The following TTC39B variants were observed in gnomAD, a reference collection of about 807,000 sequenced individuals.
TTC39B encodes the protein tetratricopeptide repeat domain 39B.
In TTC39B, 92 loss-of-function variants were observed where a neutral mutation model predicts 96.6. The ratio of observed to expected loss-of-function variants is 0.95; its 90% CI spans 0.80 to 1.13. The LOEUF (loss-of-function observed/expected upper bound fraction) is 1.13, where lower values mean the gene tolerates loss of function less well. Ranked by LOEUF, TTC39B falls within the 50% of genes most tolerant of loss-of-function variation. The pLI is 0.00. For missense variants in TTC39B, 955 were observed against 809.3 expected (o/e 1.18, Z -2.18); for synonymous variants, 367 against 299.4 (o/e 1.23, Z -2.33).
intron 2 of TTC39B, among the ~76,000 whole-genome samples, chr9:15,253,171 ACCTT>A (rs1822626413): frequency 1.3e-5 from 2 of 152,202 alleles, no homozygotes; most frequent in Admixed American, 6.5e-5. Context: ...TATGAATGGT[ACCTT>A]ATATGACAAA....
chr9:15,252,648 C>CA lies in TTC39B; in HGVS notation c.275+15265dup, dbSNP rs560742353. ...GGGCAACAAGAGTGAAACTCCATCT[C>CA]AAAAAAAAAAAGGATATTAGGTGAA... On this transcript the variant is annotated intron_variant, in intron 2 of 19. Coordinates refer to ENST00000512701, the Ensembl canonical transcript of TTC39B. Among the ~76,000 whole-genome samples the CA allele has an allele frequency of 5.6e-3, 763 of 136,752 alleles. 10 individuals carry two copies. Among genetic ancestry groups the CA allele is most frequent in the African/African-American group, 0.019 (704 of 37,188 alleles). The allele number at this position is 136,752 out of a possible 152,430, so 89.7% of individuals were successfully genotyped here. A position where few individuals can be genotyped will look rare whatever the true frequency, so the allele number is the denominator to read the frequency against.
intron 1 of TTC39B, among the ~76,000 whole-genome samples, chr9:15,275,982 A>T (rs1458337809): frequency 6.6e-6 from 1 of 152,236 alleles, no homozygotes; most frequent in African/African-American, 2.4e-5. Context: ...TGTAAGAAAC[A>T]AATGCTGATA....
chr9:15,179,183 T>A (rs868320247), intron 17 of TTC39B, among the ~76,000 whole-genome samples: 1 of 152,192 alleles, frequency 6.6e-6, no homozygotes. Context: ...ATTTACACTT[T>A]TGAAATTTTT....
intron 2 of TTC39B, among the ~76,000 whole-genome samples, chr9:15,226,428 T>C (rs955049070): frequency 1.3e-5 from 2 of 152,204 alleles, no homozygotes; most frequent in East Asian, 3.8e-4. Flanking sequence ...TCTTTTCTTC[T>C]CAATAAATCC....
chr9:15,304,261 T>C (rs1353834182), intron 1 of TTC39B, among the ~76,000 whole-genome samples: 1 of 152,234 alleles, frequency 6.6e-6, no homozygotes, highest in Non-Finnish European at 1.5e-5. Flanking sequence ...CTTGAATATA[T>C]TCTGTACATC....
chr9:15,279,154 T>C (rs1823656990), intron 1 of TTC39B, among the ~76,000 whole-genome samples: 1 of 152,248 alleles, frequency 6.6e-6, no homozygotes, highest in Admixed American at 6.5e-5. Context: ...TCTACTGTTA[T>C]TAAAGTGCTT....
At chr9:15,247,328 T>G (rs1822324019) in intron 2 of TTC39B, among the ~76,000 whole-genome samples, 1 of 152,210 alleles carries the variant, frequency 6.6e-6, no homozygotes, top group Non-Finnish European at 1.5e-5. Flanking sequence ...AAGGAAGACT[T>G]CATTCTAAGG....
At chr9:15,222,753 G>T (rs139146665) in intron 3 of TTC39B, among the ~76,000 whole-genome samples, 1 of 152,094 alleles carries the variant, frequency 6.6e-6, no homozygotes, top group Non-Finnish European at 1.5e-5. Flanking sequence ...TTTTCTCTCC[G>T]TTCCTTTAAT....
chr9:15,234,478 G>A (rs79578754), intron 2 of TTC39B, among the ~76,000 whole-genome samples: 31,316 of 112,286 alleles, frequency 0.28, 2,705 homozygotes, highest in East Asian at 0.64. Flanking sequence ...GGCCGCCCCT[G>A]CTGGGAAGTG....
At chr9:15,288,465 G>C (rs1472730720) in intron 1 of TTC39B, among the ~76,000 whole-genome samples, 2 of 152,186 alleles carry the variant, frequency 1.3e-5, no homozygotes, top group Non-Finnish European at 2.9e-5. Flanking sequence ...GAGGAGTTCA[G>C]CTGGGGATGG....
intron 2 of TTC39B, among the ~76,000 whole-genome samples, chr9:15,259,598 C>T (rs190196738): frequency 7.8e-4 from 119 of 152,246 alleles, no homozygotes; most frequent in African/African-American, 2.7e-3. Flanking sequence ...GTGATATATT[C>T]ATATAAATGA....
At chr9:15,237,449 T>C (rs1821837231) in intron 2 of TTC39B, among the ~76,000 whole-genome samples, 1 of 152,060 alleles carries the variant, frequency 6.6e-6, no homozygotes, top group Admixed American at 6.5e-5. Context: ...ATAAAGGTGA[T>C]ATTACAACCA....
At chr9:15,223,683 A>C (rs1056229333) in intron 3 of TTC39B, among the ~76,000 whole-genome samples, 12 of 152,340 alleles carry the variant, frequency 7.9e-5, no homozygotes, top group African/African-American at 2.9e-4. Flanking sequence ...AAGACCTATC[A>C]ATTAAAAGGC....
At chr9:15,176,400 A>G (rs373186968) in intron 18 of TTC39B, among the ~76,000 whole-genome samples, 2 of 152,352 alleles carry the variant, frequency 1.3e-5, no homozygotes, top group South Asian at 4.1e-4. Flanking sequence ...ATTACAGAAT[A>G]TTACTAAAGA....
At chr9:15,189,848 C>A (rs1586833667) in intron 11 of TTC39B, 56 bp from the exon 12 acceptor site, 1 of 1,227,822 alleles carries the variant, frequency 8.1e-7, no homozygotes, top group South Asian at 1.3e-5. Context: ...ATATTTATAA[C>A]CAGCTCTCCA....
chr9:15,264,626 G>C (rs1170671793), intron 2 of TTC39B, among the ~76,000 whole-genome samples: 1 of 143,940 alleles, frequency 6.9e-6, no homozygotes, highest in African/African-American at 2.7e-5. Flanking sequence ...TTGCACTCTA[G>C]CCTGGGCGAC....
intron 2 of TTC39B, among the ~76,000 whole-genome samples, chr9:15,258,567 A>G (rs1332826783): frequency 6.6e-6 from 1 of 152,222 alleles, no homozygotes; most frequent in Non-Finnish European, 1.5e-5. Context: ...AGCCATGTCA[A>G]GAAGGTTACT....
chr9:15,253,285 T>C (rs1447053251), intron 2 of TTC39B, among the ~76,000 whole-genome samples: 6 of 151,856 alleles, frequency 4.0e-5, no homozygotes, highest in East Asian at 1.9e-4. Context: ...AAGAGGGAGG[T>C]AGAGAGACAC....
intron 8 of TTC39B, among the ~76,000 whole-genome samples, chr9:15,193,595 C>T (rs202232093): frequency 6.6e-6 from 1 of 152,112 alleles, no homozygotes; most frequent in African/African-American, 2.4e-5. Context: ...ACAAGCATCC[C>T]CTGCTGTCAT....
Sources: allele counts gnomAD v4.1 joint callset (sites outside exome capture counted in the v4.1 genomes callset), GRCh38; gene constraint gnomAD v4.1.1; transcripts MANE v1.5; gene names NCBI Gene and HGNC (gene_info 2026-07-23, HGNC 2026-07-21).